The following MRPS6 variants were observed in gnomAD, a reference collection of about 807,000 sequenced individuals.
MRPS6 encodes mitochondrial ribosomal protein S6.
A neutral mutation model predicts 13.1 loss-of-function variants in MRPS6; 6 were observed. That is an observed-to-expected ratio of 0.46 (90% CI 0.25 to 0.91). The LOEUF (loss-of-function observed/expected upper bound fraction) is 0.91, where lower values mean the gene tolerates loss of function less well. Among genes scored for constraint, MRPS6 ranks in the 40% least tolerant of loss-of-function variants. The pLI, the probability that MRPS6 is intolerant of heterozygous loss-of-function variation, is 0.18. For synonymous variants in MRPS6, 61 were observed against 56.5 expected (o/e 1.08, Z -0.36); for missense variants, 164 against 155.6 (o/e 1.05, Z -0.29).
At chr21:34,104,844 A>C in intron 1 of MRPS6, 1 of 1,000,056 alleles carries the variant, frequency 1.0e-6, no homozygotes, top group African/African-American at 1.7e-5. Flanking sequence ...TTTTAAATTT[A>C]AGATAGTTTG....
intron 2 of MRPS6, among the ~76,000 whole-genome samples, chr21:34,137,019 CTT>C (rs1184686160): frequency 6.6e-6 from 1 of 152,222 alleles, no homozygotes; most frequent in Admixed American, 6.5e-5. Context: ...CCATTCTAGT[CTT>C]TTGATCTCTC....
intron 1 of MRPS6, among the ~76,000 whole-genome samples, chr21:34,091,615 GATTA>G (rs944594610): frequency 4.2e-4 from 64 of 152,032 alleles, no homozygotes; most frequent in African/African-American, 1.2e-3. Context: ...TCTCTATTTG[GATTA>G]ATTCTTCAGT....
chr21:34,074,691 G>C (rs1989282613), intron 1 of MRPS6, among the ~76,000 whole-genome samples: 1 of 152,162 alleles, frequency 6.6e-6, no homozygotes, highest in African/African-American at 2.4e-5. Flanking sequence ...TTCTCCACCA[G>C]GTGTAATAAA....
At chr21:34,078,173 A>G (rs991962950) in intron 1 of MRPS6, among the ~76,000 whole-genome samples, 2 of 152,148 alleles carry the variant, frequency 1.3e-5, no homozygotes, top group Non-Finnish European at 2.9e-5. Flanking sequence ...CCCTCCCTAA[A>G]CAGCTTAGCC....
At chr21:34,090,208 C>A (rs1381139343) in intron 1 of MRPS6, among the ~76,000 whole-genome samples, 1 of 152,150 alleles carries the variant, frequency 6.6e-6, no homozygotes, top group African/African-American at 2.4e-5. Flanking sequence ...ATTAGGAAAA[C>A]CTGTTTTGCT....
At chr21:34,073,785 C>T (rs375691852) in intron 1 of MRPS6, 40 bp downstream of exon 1, 118 of 1,426,000 alleles carry the variant, frequency 8.3e-5, no homozygotes, top group African/African-American at 6.8e-4. Context: ...CCCGCGCGGG[C>T]GCCCCCGCTG....
intron 2 of MRPS6, among the ~76,000 whole-genome samples, chr21:34,135,067 TTCAC>T (rs1382226680): frequency 1.3e-5 from 2 of 152,348 alleles, no homozygotes; most frequent in South Asian, 2.1e-4. Context: ...TCTAGTTTCT[TTCAC>T]TCAGCATAAT....
At chr21:34,110,961 G>A (rs1238731810) in intron 1 of MRPS6, among the ~76,000 whole-genome samples, 1 of 152,098 alleles carries the variant, frequency 6.6e-6, no homozygotes, top group Non-Finnish European at 1.5e-5. Flanking sequence ...GCACTTGGGA[G>A]CCATTTTAAA....
In MRPS6 at chr21:34,109,399, A is replaced by C. The variant is rs540260889; in HGVS notation, c.46-15942A>C. 1.3e-3 allele frequency among the ~76,000 whole-genome samples: 198 copies of C among 152,308 alleles called. 1 individual carries two copies. Among genetic ancestry groups the C allele is most frequent in the African/African-American group, 4.6e-3 (190 of 41,562 alleles). ...TAGAATAAGTCAAGCTTTCCAAAGAAAGTTTTGAGTTTTAAACTGAAGGAT... is the reference window on the plus strand; with the variant it reads ...TAGAATAAGTCAAGCTTTCCAAAGACAGTTTTGAGTTTTAAACTGAAGGAT... On this transcript the variant is annotated intron_variant, in intron 1 of 2. Coordinates refer to ENST00000399312, the MANE Select transcript of MRPS6 (RefSeq NM_032476.4).
intron 1 of MRPS6, chr21:34,103,037 A>T: frequency 6.0e-6 from 6 of 999,780 alleles, no homozygotes; most frequent in Non-Finnish European, 7.2e-6. Flanking sequence ...TTATCAACAT[A>T]GCCTAGACTT....
At chr21:34,099,220 T>G (rs1326532892) in intron 1 of MRPS6, 1 of 1,000,106 alleles carries the variant, frequency 1.0e-6, no homozygotes, top group African/African-American at 1.7e-5. Flanking sequence ...TTCTTGAGGT[T>G]TATAATTTGG....
At chr21:34,073,909 C>G (rs555397280) in intron 1 of MRPS6, among the ~76,000 whole-genome samples, 164 bp downstream of exon 1, 2 of 145,390 alleles carry the variant, frequency 1.4e-5, no homozygotes, top group East Asian at 4.0e-4. Context: ...GAAGGGGGCG[C>G]GCGTGGGCCG....
At chr21:34,134,472 A>G (rs143957113) in intron 2 of MRPS6, among the ~76,000 whole-genome samples, 2 of 152,372 alleles carry the variant, frequency 1.3e-5, no homozygotes, top group Admixed American at 6.5e-5. Flanking sequence ...TTCAGCTTCT[A>G]AACTGCCATT....
intron 1 of MRPS6, chr21:34,103,723 A>G (rs1979351786): frequency 3.0e-6 from 3 of 1,000,128 alleles, no homozygotes; most frequent in Non-Finnish European, 3.6e-6. Flanking sequence ...GCCCAAGACA[A>G]TGCGGTATCT....
At chr21:34,074,127 C>G (rs1461542232) in intron 1 of MRPS6, among the ~76,000 whole-genome samples, 1 of 148,800 alleles carries the variant, frequency 6.7e-6, no homozygotes, top group African/African-American at 2.4e-5. Flanking sequence ...TCCGGCCCGT[C>G]CCCGCCAGTC....
chr21:34,122,663 T>C (rs1980160640), intron 1 of MRPS6: 1 of 152,190 alleles, frequency 6.6e-6, no homozygotes, highest in South Asian at 2.1e-4. Context: ...AAAACTGGAA[T>C]TGAAATTTAT....
At chr21:34,110,897 C>G (rs972889653) in intron 1 of MRPS6, among the ~76,000 whole-genome samples, 1 of 152,206 alleles carries the variant, frequency 6.6e-6, no homozygotes, top group African/African-American at 2.4e-5. Flanking sequence ...CAATTTTCTT[C>G]CTAAGGCACA....
chr21:34,076,491 A>G (rs771176811), intron 1 of MRPS6, among the ~76,000 whole-genome samples: 1 of 152,126 alleles, frequency 6.6e-6, no homozygotes, highest in African/African-American at 2.4e-5. Context: ...TTCCAATACT[A>G]TGTTTTTCTC....
intron 1 of MRPS6, chr21:34,100,673 G>T: frequency 1.0e-6 from 1 of 1,000,174 alleles, no homozygotes; most frequent in Non-Finnish European, 1.2e-6. Context: ...TGAGTTGAGG[G>T]GGTTGTTATG....
Sources: gnomAD v4.1 joint callset for allele counts (sites outside exome capture counted in the v4.1 genomes callset) on GRCh38, gnomAD v4.1.1 for gene constraint, MANE v1.5 for transcripts, NCBI Gene and HGNC (gene_info 2026-07-23, HGNC 2026-07-21) for gene names.